Variants in SKAP1 observed in about 807,000 individuals in gnomAD.
SKAP1 encodes the protein src kinase-associated phosphoprotein 1.
Under a neutral mutation model 58.5 loss-of-function variants are expected in SKAP1, and 44 were observed. The ratio of observed to expected loss-of-function variants is 0.75; its 90% CI spans 0.59 to 0.97. SKAP1 has a LOEUF of 0.97. Ranked by LOEUF, SKAP1 falls within the 50% of genes least tolerant of loss-of-function variation. The pLI, the probability that SKAP1 is intolerant of heterozygous loss-of-function variation, is 0.00. For missense variants in SKAP1, 390 were observed against 435.2 expected (o/e 0.90, Z 0.92); for synonymous variants, 127 against 149.7 (o/e 0.85, Z 1.11).
At chr17:48,199,485 G>A (rs1427098630) in intron 4 of SKAP1, among the ~76,000 whole-genome samples, 1 of 152,178 alleles carries the variant, frequency 6.6e-6, no homozygotes, top group Non-Finnish European at 1.5e-5. Flanking sequence ...TCCAGCTGCC[G>A]AGTTGGGAGT....
intron 4 of SKAP1, among the ~76,000 whole-genome samples, chr17:48,190,632 T>C (rs1598410768): frequency 6.6e-6 from 1 of 152,158 alleles, no homozygotes; most frequent in African/African-American, 2.4e-5. Context: ...TTTAAGTTCA[T>C]AGAAGAAGGG....
At chr17:48,432,506 G>C (rs946212957), upstream of SKAP1, among the ~76,000 whole-genome samples, 1 of 151,950 alleles carries the variant, frequency 6.6e-6, no homozygotes, top group Non-Finnish European at 1.5e-5. Flanking sequence ...CAAGTACCAG[G>C]TACCCCCATG....
intron 9 of SKAP1, among the ~76,000 whole-genome samples, chr17:48,175,140 C>A (rs7224155): frequency 0.16 from 24,433 of 152,124 alleles, 2,668 homozygotes; most frequent in African/African-American, 0.3. Flanking sequence ...TGACACCTGG[C>A]TATTTTCTGA....
intron 2 of SKAP1, among the ~76,000 whole-genome samples, chr17:48,369,333 G>A (rs535520570): frequency 1.3e-5 from 2 of 151,490 alleles, no homozygotes; most frequent in East Asian, 3.9e-4. Context: ...TCTACAAAAA[G>A]TACAAAGATT....
At chr17:48,215,546 G>A (rs56937221) in intron 4 of SKAP1, among the ~76,000 whole-genome samples, 4,830 of 152,310 alleles carry the variant, frequency 0.032, 94 homozygotes, top group East Asian at 0.054. Context: ...AAAAAGGGAA[G>A]GGTGAGGATG....
chr17:48,384,409 T>C (rs2067252100), intron 2 of SKAP1, among the ~76,000 whole-genome samples: 1 of 152,132 alleles, frequency 6.6e-6, no homozygotes. Context: ...ACAGAAAACC[T>C]GACTGACAAG....
intron 4 of SKAP1, among the ~76,000 whole-genome samples, chr17:48,204,973 T>TTTTCTTTC (rs1555602827): frequency 1.4e-3 from 105 of 77,318 alleles, no homozygotes; most frequent in Non-Finnish European, 1.6e-3. Flanking sequence ...TTTTCTTTTC[T>TTTTCTTTC]TTTCTTTCTT....
intron 1 of SKAP1, among the ~76,000 whole-genome samples, chr17:48,419,394 C>T (rs1303180042): frequency 6.6e-6 from 1 of 151,892 alleles, no homozygotes; most frequent in Non-Finnish European, 1.5e-5. Context: ...AAGCAATTAT[C>T]ATGCCTCAGC....
chr17:48,325,371 T>C (rs1341282606), intron 4 of SKAP1, among the ~76,000 whole-genome samples: 1 of 152,112 alleles, frequency 6.6e-6, no homozygotes, highest in Non-Finnish European at 1.5e-5. Context: ...TGCTCTCATA[T>C]GACCATTTAT....
intron 4 of SKAP1, among the ~76,000 whole-genome samples, chr17:48,293,306 T>C (rs763603670): frequency 3.9e-5 from 6 of 152,184 alleles, no homozygotes; most frequent in Non-Finnish European, 7.3e-5. Context: ...ACAAAGAAGC[T>C]TGGAATGTTC....
chr17:48,318,270 T>C (rs1179777054), intron 4 of SKAP1, among the ~76,000 whole-genome samples: 2 of 152,192 alleles, frequency 1.3e-5, no homozygotes, highest in African/African-American at 2.4e-5. Flanking sequence ...AATTCAATAA[T>C]ACACCTAATG....
chr17:48,177,314 C>T (rs1281639897), intron 9 of SKAP1, among the ~76,000 whole-genome samples: 2 of 152,214 alleles, frequency 1.3e-5, no homozygotes, highest in African/African-American at 4.8e-5. Flanking sequence ...ACATTAATAA[C>T]AGCCAGCATT....
At chr17:48,229,778 C>T (rs2065108065) in intron 4 of SKAP1, among the ~76,000 whole-genome samples, 1 of 152,094 alleles carries the variant, frequency 6.6e-6, no homozygotes, top group Non-Finnish European at 1.5e-5. Flanking sequence ...CCAATTATAA[C>T]AGCAAGAAGA....
chr17:48,189,576 C>G, intron 4 of SKAP1, 76 bp from the exon 5 acceptor site: 2 of 1,010,254 alleles, frequency 2.0e-6, no homozygotes, highest in Non-Finnish European at 3.0e-6. Flanking sequence ...TTAGGTAATT[C>G]ACATTAATAA....
At chr17:48,281,778 T>C (rs955030306) in intron 4 of SKAP1, among the ~76,000 whole-genome samples, 10 of 152,060 alleles carry the variant, frequency 6.6e-5, no homozygotes, top group Non-Finnish European at 1.0e-4. Flanking sequence ...AGAAAATATA[T>C]GCCATTAGGC....
intron 4 of SKAP1, among the ~76,000 whole-genome samples, chr17:48,260,611 C>T (rs2065474253): frequency 6.6e-6 from 1 of 151,890 alleles, no homozygotes; most frequent in Non-Finnish European, 1.5e-5. Context: ...GGAAAATGCC[C>T]AAGAATAAAC....
chr17:48,245,850 C>T (rs2065290314), intron 4 of SKAP1, among the ~76,000 whole-genome samples: 1 of 152,110 alleles, frequency 6.6e-6, no homozygotes, highest in African/African-American at 2.4e-5. Flanking sequence ...TGGTGCATGC[C>T]TGTAATCCCA....
In SKAP1 at chr17:48,241,967, C is replaced by T. The variant is rs546008925; in HGVS notation, c.281-52467G>A. Reference sequence around the variant, plus strand: ...CCTGAATTCTGAAAGAATGTGCTTCCTGAATATTCCTGATAATGGGCTTAG... The same window carrying T: ...CCTGAATTCTGAAAGAATGTGCTTCTTGAATATTCCTGATAATGGGCTTAG... On this transcript the variant is annotated intron_variant, in intron 4 of 12. Transcript: ENST00000336915. Among the ~76,000 whole-genome samples the T allele has an allele frequency of 2.6e-5, 4 of 152,298 alleles. No individual in the cohort carries two copies. In the East Asian group the frequency reaches 7.7e-4, roughly 29 times the overall value.
At chr17:48,182,945 T>C (rs928160034) in intron 7 of SKAP1, among the ~76,000 whole-genome samples, 7 of 151,958 alleles carry the variant, frequency 4.6e-5, no homozygotes, top group African/African-American at 1.7e-4. Context: ...GTGGACAGAG[T>C]TGGACATTTT....
Sources: gnomAD v4.1 joint callset for allele counts (sites outside exome capture counted in the v4.1 genomes callset) on GRCh38, gnomAD v4.1.1 for gene constraint, MANE v1.5 for transcripts, NCBI Gene and HGNC (gene_info 2026-07-23, HGNC 2026-07-21) for gene names.